Variants in RHOH observed in about 807,000 individuals in gnomAD.
RHOH encodes rho-related GTP-binding protein RhoH.
In RHOH, 6 loss-of-function variants were observed where a neutral mutation model predicts 13.8. The ratio of observed to expected loss-of-function variants is 0.44; its 90% CI spans 0.24 to 0.86. The LOEUF (loss-of-function observed/expected upper bound fraction) is 0.86, where lower values mean the gene tolerates loss of function less well. Ranked by LOEUF, RHOH falls within the 40% of genes least tolerant of loss-of-function variation. The pLI, the probability that RHOH is intolerant of heterozygous loss-of-function variation, is 0.24. For missense variants in RHOH, 147 were observed against 244.5 expected, an observed-to-expected ratio of 0.60 and a Z score of 2.66; for synonymous variants, 117 against 103.0, an observed-to-expected ratio of 1.14 and a Z score of -0.82.
At chr4:40,223,943 T>C (rs151183460) in intron 1 of RHOH, among the ~76,000 whole-genome samples, 1 of 152,146 alleles carries the variant, frequency 6.6e-6, no homozygotes, top group Non-Finnish European at 1.5e-5. Context: ...TGGCTAAGTT[T>C]GTATTTTTAG....
intron 1 of RHOH, among the ~76,000 whole-genome samples, chr4:40,210,957 A>C (rs1422723038): frequency 2.0e-5 from 3 of 152,248 alleles, no homozygotes; most frequent in African/African-American, 7.2e-5. Flanking sequence ...AACATGATCC[A>C]TTGCCTGAAG....
chr4:40,197,948 A>G (rs946957448), intron 1 of RHOH, among the ~76,000 whole-genome samples: 2 of 152,252 alleles, frequency 1.3e-5, no homozygotes, highest in Non-Finnish European at 2.9e-5. Context: ...TTACTAAATG[A>G]AAGTTGCCAT....
At chr4:40,234,057 C>T (rs1728269217) in intron 1 of RHOH, among the ~76,000 whole-genome samples, 1 of 151,924 alleles carries the variant, frequency 6.6e-6, no homozygotes, top group African/African-American at 2.4e-5. Context: ...GTTTGACAAC[C>T]TTACTTTATA....
At chr4:40,238,767 G>A (rs369698655) in intron 1 of RHOH, among the ~76,000 whole-genome samples, 1 of 152,150 alleles carries the variant, frequency 6.6e-6, no homozygotes, top group Non-Finnish European at 1.5e-5. Flanking sequence ...TGACGCTCTC[G>A]TAACTCTTCC....
intron 1 of RHOH, among the ~76,000 whole-genome samples, chr4:40,211,865 A>G (rs914634108): frequency 3.3e-5 from 5 of 152,182 alleles, no homozygotes; most frequent in African/African-American, 1.2e-4. Flanking sequence ...CAGTTGTAAA[A>G]TGGGAATTAT....
chr4:40,206,952 T>A (rs1395008262), intron 1 of RHOH, among the ~76,000 whole-genome samples: 1 of 152,188 alleles, frequency 6.6e-6, no homozygotes. Flanking sequence ...CTCATGCCTG[T>A]AATCCCAGCA....
At chr4:40,202,565 A>G (rs1002771772) in intron 1 of RHOH, among the ~76,000 whole-genome samples, 4 of 152,230 alleles carry the variant, frequency 2.6e-5, no homozygotes, top group Non-Finnish European at 4.4e-5. Flanking sequence ...TGTGAACCAC[A>G]TGGGGCTTTA....
In RHOH at chr4:40,242,721, C is replaced by T. The variant is rs895033954; in HGVS notation, c.-323C>T. Reference sequence around the variant, plus strand: ...CGTTCTTGTTTCTTGCAGTTTCCAACATGGCTAGATCCATCAGAAACTGAA... The same window carrying T: ...CGTTCTTGTTTCTTGCAGTTTCCAATATGGCTAGATCCATCAGAAACTGAA... On this transcript the variant is annotated 5_prime_UTR_variant, in exon 2 of 3. Transcript: ENST00000381799. 6.6e-6 allele frequency: 1 copy of T among 152,194 alleles called. No individual in the cohort carries two copies. Among genetic ancestry groups the T allele is most frequent in the Admixed American group, 6.6e-5 (1 of 15,264 alleles). The allele number at this position is 152,194 out of a possible 1,614,324, so 9.4% of individuals were successfully genotyped here.
chr4:40,234,744 CTTTTTTTTTT>C (rs549802852), intron 1 of RHOH, among the ~76,000 whole-genome samples: 6 of 101,066 alleles, frequency 5.9e-5, no homozygotes, highest in African/African-American at 3.9e-5. Context: ...AAATCAGCAT[CTTTTTTTTTT>C]TTTTTTTTTT....
Position 40,224,770 on chromosome 4 carries a change from C to T in RHOH, c.-330-17944C>T, listed in dbSNP as rs117184713. On this transcript the variant is annotated intron_variant, in intron 1 of 2. Transcript: ENST00000381799. ...ATTGTAGAAACCCCGGAACAGAACT[C>T]GAGTTACCTCAATTCCGTTATTCTC... is the stretch of plus-strand genomic sequence containing the variant. Among the ~76,000 whole-genome samples, 760 of 152,326 alleles carry T rather than the reference C, an allele frequency of 5.0e-3. 13 individuals are homozygous for T. The highest frequency in any genetic ancestry group is 0.04 in the East Asian group (207 of 5,188).
rs1426875660 is a variant in RHOH, at chr4:40,245,264, G to A, written c.*1302G>A. On this transcript the variant is annotated 3_prime_UTR_variant, in exon 3 of 3. Coordinates refer to ENST00000381799, the MANE Select transcript of RHOH (RefSeq NM_004310.5). The stretch of plus-strand genomic sequence containing the variant: ...ATAACTTAAGGTAGAAATTGCAAAG[G>A]CTGGGTTGGGCAGGGCGTGGTGGCT... The A allele has an allele frequency of 6.6e-6, 1 of 152,196 alleles. No individual in the cohort carries two copies. Among genetic ancestry groups the A allele is most frequent in the Non-Finnish European group, 1.5e-5 (1 of 68,048 alleles). 9.4% of individuals were successfully genotyped at this position (152,196 alleles called of 1,614,324 possible).
chr4:40,226,997 A>G (rs1727324345), intron 1 of RHOH, among the ~76,000 whole-genome samples: 1 of 152,100 alleles, frequency 6.6e-6, no homozygotes, highest in Non-Finnish European at 1.5e-5. Context: ...CGTTTCTACT[A>G]AAAATACAAA....
rs536053429 is a variant in RHOH at position 40,197,171 on chromosome 4, T to C, written c.-460T>C. On this transcript the variant is annotated 5_prime_UTR_variant, in exon 1 of 3. Transcript: ENST00000381799. ...TTCTCGGGAACGAGGGAGAGGTTGA[T>C]CCTATGAGGAAATCAACCACAGTGA... The C allele has an allele frequency of 2.0e-5, 3 of 152,330 alleles. No homozygotes were observed. The highest frequency in any genetic ancestry group is 6.5e-5 in the Admixed American group (1 of 15,302). The allele number at this position is 152,330 out of a possible 1,614,324, so 9.4% of individuals were successfully genotyped here.
At chr4:40,229,208 T>C (rs1475733226) in intron 1 of RHOH, among the ~76,000 whole-genome samples, 2 of 152,250 alleles carry the variant, frequency 1.3e-5, no homozygotes, top group African/African-American at 4.8e-5. Context: ...TCTAAGCCTC[T>C]GTGCTGTCAT....
At chr4:40,226,729 A>G (rs980850698) in intron 1 of RHOH, among the ~76,000 whole-genome samples, 4 of 152,204 alleles carry the variant, frequency 2.6e-5, no homozygotes, top group African/African-American at 9.7e-5. Flanking sequence ...AGCTTAAGCA[A>G]TCTGCAAGTT....
intron 1 of RHOH, among the ~76,000 whole-genome samples, chr4:40,219,516 G>A (rs1009949780): frequency 1.3e-5 from 2 of 151,960 alleles, no homozygotes; most frequent in Non-Finnish European, 2.9e-5. Context: ...AAATGCATGA[G>A]AAACTTAGTC....
At chr4:40,211,288 C>T (rs909764439) in intron 1 of RHOH, among the ~76,000 whole-genome samples, 1 of 151,980 alleles carries the variant, frequency 6.6e-6, no homozygotes, top group African/African-American at 2.4e-5. Context: ...TATTTTGAGA[C>T]AGCCTCTCTC....
chr4:40,217,038 A>C (rs1235730678), intron 1 of RHOH, among the ~76,000 whole-genome samples: 1 of 152,248 alleles, frequency 6.6e-6, no homozygotes, highest in African/African-American at 2.4e-5. Context: ...GGTTGGACAC[A>C]GTCCAAATCA....
chr4:40,211,764 T>C (rs2109404654), intron 1 of RHOH, among the ~76,000 whole-genome samples: 1 of 152,236 alleles, frequency 6.6e-6, no homozygotes, highest in African/African-American at 2.4e-5. Flanking sequence ...TTGTAAGAGA[T>C]GAAAAGGAAA....
Sources: allele counts gnomAD v4.1 joint callset (sites outside exome capture counted in the v4.1 genomes callset), GRCh38; gene constraint gnomAD v4.1.1; transcripts MANE v1.5; gene names NCBI Gene and HGNC (gene_info 2026-07-23, HGNC 2026-07-21).